PIKFYVE: variants seen among roughly 807,000 people sequenced by gnomAD.
PIKFYVE encodes the protein phosphoinositide kinase, FYVE-type zinc finger containing, also known as 1-phosphatidylinositol 3-phosphate 5-kinase.
In PIKFYVE, 122 loss-of-function variants were observed where a neutral mutation model predicts 257.9. That is an observed-to-expected ratio of 0.47 (90% CI 0.41 to 0.55). The LOEUF is 0.55. Among genes scored for constraint, PIKFYVE ranks in the 20% least tolerant of loss-of-function variants. The probability of loss-of-function intolerance (pLI) is 0.00; values close to 1 mark genes in which losing one functional copy is unlikely to be tolerated. For synonymous variants in PIKFYVE, 892 were observed against 868.9 expected, an observed-to-expected ratio of 1.03 and a Z score of -0.47; for missense variants, 2,160 against 2,536.6, an observed-to-expected ratio of 0.85 and a Z score of 3.19.
intron 26 of PIKFYVE, 36 bp downstream of exon 26, chr2:208,335,937 A>G: frequency 6.3e-7 from 1 of 1,581,224 alleles, no homozygotes; most frequent in Non-Finnish European, 8.7e-7. Context: ...TCAAAAGTTA[A>G]TTATTGATTA....
chr2:208,305,755 T>G (rs1694243717), intron 12 of PIKFYVE, among the ~76,000 whole-genome samples: 1 of 152,222 alleles, frequency 6.6e-6, no homozygotes, highest in African/African-American at 2.4e-5. Context: ...CCAATTTAAA[T>G]TATAGTCCTA....
At chr2:208,339,862 T>A in intron 30 of PIKFYVE, 149 bp from the exon 31 acceptor site, 1 of 963,646 alleles carries the variant, frequency 1.0e-6, no homozygotes. Context: ...TATCCCATAG[T>A]GGTCTTTTCC....
At chr2:208,346,649 TTG>T (rs1699260346) in intron 34 of PIKFYVE, among the ~76,000 whole-genome samples, 1 of 152,232 alleles carries the variant, frequency 6.6e-6, no homozygotes, top group African/African-American at 2.4e-5. Context: ...GGATTTGAAT[TTG>T]TGTTTCTCTG....
rs986526961 is a variant in PIKFYVE, at chr2:208,338,477, C to G, written c.4612-31C>G. On this transcript the variant is annotated intron_variant, in intron 28 of 41. Coordinates refer to ENST00000264380, the MANE Select transcript of PIKFYVE (RefSeq NM_015040.4). Reference sequence around the variant, plus strand: ...TTTTTGAATGTGATTTTCATGTTTTCCATAAGAACAAAGTATTTACTTCTC... The same window carrying G: ...TTTTTGAATGTGATTTTCATGTTTTGCATAAGAACAAAGTATTTACTTCTC... 1.9e-6 allele frequency: 3 copies of G among 1,602,692 alleles called. No individual in the cohort carries two copies. The African/African-American group carries it at 4.0e-5, about 21-fold the overall frequency.
chr2:208,280,754 C>T (rs1690699705), intron 5 of PIKFYVE, among the ~76,000 whole-genome samples: 1 of 152,184 alleles, frequency 6.6e-6, no homozygotes, highest in Non-Finnish European at 1.5e-5. Context: ...GGACTTACAG[C>T]TACTTGATAT....
intron 14 of PIKFYVE, 89 bp downstream of exon 14, chr2:208,314,512 G>A: frequency 7.1e-7 from 1 of 1,405,592 alleles, no homozygotes; most frequent in Non-Finnish European, 9.8e-7. Context: ...CTTAAAAAGG[G>A]AGGTCTTTTT....
chr2:208,273,711 C>G lies in PIKFYVE; in HGVS notation c.300C>G (p.Leu100=). Residue 100 remains leucine (L), a synonymous_variant, in exon 3 of 42, where the codon CTC becomes CTG. Coordinates refer to ENST00000264380, the MANE Select transcript of PIKFYVE (RefSeq NM_015040.4). ...ATAAAAAGCAGCTTAATGAGGAACT[C>G]CAGCGGCGCTCTTCAGCATTAGGTA... ...TPYKKQLNEE[L]QRRSSALDTR... The G allele has an allele frequency of 6.2e-7, 1 of 1,614,160 alleles. No individual in the cohort carries two copies. The highest frequency in any genetic ancestry group is 8.5e-7 in the Non-Finnish European group (1 of 1,180,026).
At position 208,355,169 on chromosome 2, in the gene PIKFYVE, T is replaced by C. The variant is rs149982084; in HGVS notation, c.6182-21T>C. 515 of 1,582,372 alleles carry C rather than the reference T, an allele frequency of 3.3e-4. 4 individuals are homozygous for C. The African/African-American group carries it at 6.3e-3, about 19-fold the overall frequency. On this transcript the variant is annotated intron_variant, in intron 41 of 41. Transcript: ENST00000264380. Reference sequence around the variant, plus strand: ...CAATTATATAACAGCTTTTTCCCCCTTTTCTCTTTCATAATCTCAGGTAAA... The same window carrying C: ...CAATTATATAACAGCTTTTTCCCCCCTTTCTCTTTCATAATCTCAGGTAAA...
At chr2:208,302,414 A>G in intron 10 of PIKFYVE, 61 bp downstream of exon 10, 1 of 1,376,740 alleles carries the variant, frequency 7.3e-7, no homozygotes, top group African/African-American at 1.4e-5. Context: ...GTCTTTCTTC[A>G]TCAGTGGGAA....
chr2:208,352,983 AC>A lies in PIKFYVE; in HGVS notation c.5844+202del, dbSNP rs548526861. On this transcript the variant is annotated intron_variant, in intron 39 of 41. Coordinates refer to ENST00000264380, the MANE Select transcript of PIKFYVE (RefSeq NM_015040.4). ...TATTCTTGTGGAGTGGTCTTAAAAT[AC>A]AGCATATCCAATATTCTAGAATCAC... is the stretch of plus-strand genomic sequence containing the variant. Among the ~76,000 whole-genome samples, 54 of 152,356 alleles carry A rather than the reference AC, an allele frequency of 3.5e-4. No homozygotes were observed. In the South Asian group the frequency reaches 5.4e-3, roughly 15 times the overall value.
At chr2:208,272,193 C>T (rs1168882961) in intron 2 of PIKFYVE, among the ~76,000 whole-genome samples, 5 of 150,998 alleles carry the variant, frequency 3.3e-5, no homozygotes, top group Non-Finnish European at 5.9e-5. Flanking sequence ...CGAGATTGCG[C>T]GACTGTACTC....
intron 12 of PIKFYVE, among the ~76,000 whole-genome samples, chr2:208,310,321 A>G (rs897145876): frequency 2.0e-5 from 3 of 152,132 alleles, no homozygotes; most frequent in Non-Finnish European, 2.9e-5. Context: ...GGATTGTCCT[A>G]TATTGTTTCA....
chr2:208,273,897 C>G, intron 3 of PIKFYVE, 164 bp downstream of exon 3: 1 of 1,366,606 alleles, frequency 7.3e-7, no homozygotes, highest in Non-Finnish European at 1.0e-6. Flanking sequence ...AAACTCTTAC[C>G]TCGGTAGTGA....
rs749707600 is a variant in PIKFYVE, at chr2:208,354,134, C to A, written c.6081C>A (p.Ser2027Arg). ...YSLLVGRDDT[S>R]NELVVGIIDY... ...TGCTGGTTGGGCGAGATGATACTAG[C>A]AATGAGCTAGTAGTTGGAATTATAG... The change falls in exon 40 of 42, where the codon AGC becomes AGA. Residue 2027 changes from serine (S) to arginine (R), a missense_variant. By Grantham distance (110) the Ser-to-Arg change is moderately radical. Coordinates refer to ENST00000264380, the MANE Select transcript of PIKFYVE (RefSeq NM_015040.4). 6.2e-7 allele frequency: 1 copy of A among 1,613,618 alleles called. No individual in the cohort carries two copies. Among genetic ancestry groups the A allele is most frequent in the Non-Finnish European group, 8.5e-7 (1 of 1,179,848 alleles).
intron 5 of PIKFYVE, among the ~76,000 whole-genome samples, chr2:208,283,831 G>T (rs994528820): frequency 6.6e-6 from 1 of 152,146 alleles, no homozygotes; most frequent in Non-Finnish European, 1.5e-5. Context: ...CAGTCCGCCT[G>T]CCTTGGCCTC....
intron 28 of PIKFYVE, 64 bp downstream of exon 28, chr2:208,336,992 T>G: frequency 8.0e-7 from 1 of 1,245,400 alleles, no homozygotes; most frequent in African/African-American, 1.5e-5. Context: ...TCATTTATAA[T>G]ACTTAGCAGG....
intron 5 of PIKFYVE, among the ~76,000 whole-genome samples, chr2:208,278,993 A>G (rs1188823479): frequency 2.0e-5 from 3 of 152,234 alleles, no homozygotes; most frequent in Non-Finnish European, 4.4e-5. Context: ...ACCGTCTTCC[A>G]CAGTGGCTGA....
chr2:208,355,876 A>G lies in PIKFYVE; in HGVS notation c.*571A>G, dbSNP rs956885402. 2.0e-5 allele frequency: 3 copies of G among 152,672 alleles called. No individual in the cohort carries two copies. Among genetic ancestry groups the G allele is most frequent in the Non-Finnish European group, 4.4e-5 (3 of 68,122 alleles). 9.5% of individuals were successfully genotyped at this position (152,672 alleles called of 1,614,324 possible). On this transcript the variant is annotated 3_prime_UTR_variant, in exon 42 of 42. Coordinates refer to ENST00000264380, the MANE Select transcript of PIKFYVE (RefSeq NM_015040.4). ...TTTGACTTAAACTGGGAATCCTGTCATGTTGTTTATCTTTCCAGCTTGCCT... is the reference window on the plus strand; with the variant it reads ...TTTGACTTAAACTGGGAATCCTGTCGTGTTGTTTATCTTTCCAGCTTGCCT...
chr2:208,284,852 A>G (rs769206150), intron 5 of PIKFYVE, among the ~76,000 whole-genome samples: 96 of 152,166 alleles, frequency 6.3e-4, no homozygotes, highest in Non-Finnish European at 8.7e-4. Context: ...ATATTTGTAT[A>G]GAGACAGGGT....
Sources: allele counts gnomAD v4.1 joint callset (sites outside exome capture counted in the v4.1 genomes callset), GRCh38; gene constraint gnomAD v4.1.1; transcripts MANE v1.5; gene names NCBI Gene and HGNC (gene_info 2026-07-23, HGNC 2026-07-21).